EP400: variants seen among roughly 807,000 people sequenced by gnomAD.
EP400 encodes the protein E1A-binding protein p400.
A neutral mutation model predicts 354.1 loss-of-function variants in EP400; 105 were observed. The ratio of observed to expected loss-of-function variants is 0.30; its 90% CI spans 0.25 to 0.35. EP400 has a LOEUF of 0.35. Ranked by LOEUF, EP400 falls within the 10% of genes least tolerant of loss-of-function variation. The probability of loss-of-function intolerance (pLI) is 1.00; values close to 1 mark genes in which losing one functional copy is unlikely to be tolerated. For synonymous variants in EP400, 1,646 were observed against 1,716.9 expected (o/e 0.96, Z 1.02); for missense variants, 3,280 against 4,121.0 (o/e 0.80, Z 5.59).
chr12:132,016,744 T>C (rs1415568933), intron 19 of EP400, among the ~76,000 whole-genome samples: 1 of 152,182 alleles, frequency 6.6e-6, no homozygotes, highest in Non-Finnish European at 1.5e-5. Context: ...ACCCTTGAGC[T>C]CCTCACGTCC....
chr12:132,032,340 G>T (rs913609761), intron 30 of EP400, among the ~76,000 whole-genome samples, 191 bp downstream of exon 30: 4 of 152,180 alleles, frequency 2.6e-5, no homozygotes, highest in Non-Finnish European at 5.9e-5. Context: ...TTAAACTAGG[G>T]TTTGTTTTCC....
chr12:132,025,815 C>A lies in EP400; in HGVS notation c.5014+11C>A. ...CCTTGACCCCACAAGGTAGGGTGCT[C>A]TGAGCAGGAGGGAGACTTGGCTTGG... On this transcript the variant is annotated intron_variant, in intron 25 of 52. Coordinates refer to ENST00000389561, the MANE Select transcript of EP400 (RefSeq NM_015409.5). This position sits in a 1 kb window ranked among gnomAD's most constrained non-coding sequence, Gnocchi z 4.1. 1 of 1,582,390 alleles carries A rather than the reference C, an allele frequency of 6.3e-7. No homozygotes were observed.
rs1357914851 is a variant in EP400, at chr12:132,021,442, C to T, written c.4690+121C>T. 7 of 1,345,712 alleles carry T rather than the reference C, an allele frequency of 5.2e-6. No individual in the cohort carries two copies. The East Asian group carries it at 1.9e-4, about 37-fold the overall frequency. The allele number at this position is 1,345,712 out of a possible 1,614,324, so 83.4% of individuals were successfully genotyped here. A position where few individuals can be genotyped will look rare whatever the true frequency, so the allele number is the denominator to read the frequency against. The stretch of plus-strand genomic sequence containing the variant: ...TCCTTTGTCTTTCCCCAGCCCCATG[C>T]CCGGTGCTGCCTCTCACCAGTGCAG... On this transcript the variant is annotated intron_variant, in intron 23 of 52. Coordinates refer to ENST00000389561, the MANE Select transcript of EP400 (RefSeq NM_015409.5).
chr12:132,022,255 G>T (rs1364793144), intron 23 of EP400, among the ~76,000 whole-genome samples: 2 of 152,226 alleles, frequency 1.3e-5, no homozygotes, highest in African/African-American at 4.8e-5. Context: ...CAGAGGAGCT[G>T]TTCTTTGGGA....
chr12:132,001,998 G>A (rs556058207), intron 12 of EP400, among the ~76,000 whole-genome samples: 13 of 152,092 alleles, frequency 8.5e-5, no homozygotes, highest in Non-Finnish European at 1.3e-4. Context: ...CTCTTGCCTC[G>A]GCACCTGGAT....
In EP400 at chr12:132,038,922, G is replaced by A. The variant is rs1222567624; in HGVS notation, c.6207+826G>A. 6.6e-6 allele frequency among the ~76,000 whole-genome samples: 1 copy of A among 152,184 alleles called. No individual in the cohort carries two copies. The highest frequency in any genetic ancestry group is 2.4e-5 in the African/African-American group (1 of 41,440). The stretch of plus-strand genomic sequence containing the variant: ...TGTGCCTCTTACCTTGGAAGGATTT[G>A]GTATCCCTGTACATCTTTCTTCCTG... On this transcript the variant is annotated intron_variant, in intron 32 of 52. Transcript: ENST00000389561. The surrounding 1 kb of genome is among the most constrained non-coding windows in gnomAD (Gnocchi z 4.2).
rs1293169359 is a variant in EP400 at position 132,073,935 on chromosome 12, T to G, written c.9022-2581T>G. Among the ~76,000 whole-genome samples the G allele has an allele frequency of 3.7e-5, 5 of 135,596 alleles. No individual in the cohort carries two copies. The East Asian group carries it at 1.0e-3, about 28-fold the overall frequency. 89.0% of individuals were successfully genotyped at this position (135,596 alleles called of 152,430 possible). Reference sequence around the variant, plus strand: ...TTTTTTGGGGTTTTTTTTTTTTTTTTTTTTTTTTTTTGAGACGGAGGCTCA... The same window carrying G: ...TTTTTTGGGGTTTTTTTTTTTTTTTGTTTTTTTTTTTGAGACGGAGGCTCA... On this transcript the variant is annotated intron_variant, in intron 51 of 52. Coordinates refer to ENST00000389561, the MANE Select transcript of EP400 (RefSeq NM_015409.5).
chr12:132,039,603 T>C (rs1273567193), intron 32 of EP400, among the ~76,000 whole-genome samples: 3 of 152,158 alleles, frequency 2.0e-5, no homozygotes, highest in Non-Finnish European at 4.4e-5. Context: ...GTTTCTCACA[T>C]TTCTTCTAGA....
In EP400 at chr12:132,029,355, C is replaced by T. The variant is rs767383128; in HGVS notation, c.5382-346C>T. The T allele has an allele frequency of 1.2e-5, 4 of 336,844 alleles. No individual in the cohort carries two copies. Among genetic ancestry groups the T allele is most frequent in the African/African-American group, 2.1e-5 (1 of 48,108 alleles). The allele number at this position is 336,844 out of a possible 1,614,324, so 20.9% of individuals were successfully genotyped here. A position where few individuals can be genotyped will look rare whatever the true frequency, so the allele number is the denominator to read the frequency against. On this transcript the variant is annotated intron_variant, in intron 27 of 52. Transcript: ENST00000389561. This position sits in a 1 kb window ranked among gnomAD's most constrained non-coding sequence, Gnocchi z 4.7. ...TATAGCAGTTCTAGGGTCCACGAGA[C>T]AGTGCACCTTTGTCCCAAAGTTTCC...
chr12:132,032,625 T>C (rs889688914), intron 30 of EP400, among the ~76,000 whole-genome samples: 4 of 152,020 alleles, frequency 2.6e-5, no homozygotes, highest in African/African-American at 9.6e-5. Flanking sequence ...AGAATTAGTT[T>C]TTTTTTTTTT....
intron 45 of EP400, among the ~76,000 whole-genome samples, chr12:132,060,477 C>CA (rs1309101931): frequency 6.6e-6 from 1 of 152,190 alleles, no homozygotes; most frequent in Non-Finnish European, 1.5e-5. Flanking sequence ...TTCAAGCAGC[C>CA]ATAGGAAAAG....
rs1350538433 is a variant in EP400, at chr12:132,069,531, C to T, written c.8911C>T (p.Gln2971Ter). The T allele has an allele frequency of 6.2e-7, 1 of 1,614,110 alleles. No homozygotes were observed. The highest frequency in any genetic ancestry group is 1.3e-5 in the African/African-American group (1 of 74,950). ...GCAGATCACCACCCCTGGCGCGCAG[C>T]AGAAGGTTGCCTACGCCGCGCAGCC... ...AQQITTPGAQ[Q>*]KVAYAAQPAL... Residue 2971 changes from glutamine to a stop codon, truncating the protein, a stop_gained, in exon 51 of 53, where the codon CAG (glutamine) becomes TAG (stop). Transcript: ENST00000389561. LOFTEE classifies it high-confidence loss of function.
Position 132,017,813 on chromosome 12 carries a change from C to A in EP400, c.4110+92C>A. 4.4e-6 allele frequency: 6 copies of A among 1,355,720 alleles called. No homozygotes were observed. Among genetic ancestry groups the A allele is most frequent in the Non-Finnish European group, 4.9e-6 (5 of 1,018,612 alleles). 84.0% of individuals were successfully genotyped at this position (1,355,720 alleles called of 1,614,324 possible). A position where few individuals can be genotyped will look rare whatever the true frequency, so the allele number is the denominator to read the frequency against. On this transcript the variant is annotated intron_variant, in intron 20 of 52. Coordinates refer to ENST00000389561, the MANE Select transcript of EP400 (RefSeq NM_015409.5). The surrounding 1 kb of genome is among the most constrained non-coding windows in gnomAD (Gnocchi z 5.0). The stretch of plus-strand genomic sequence containing the variant: ...CCATTCTTGGAAATGGGTTCTCAAC[C>A]AGCTCTTCTGCAATTGCAATTGCAG...
rs138655605 is a variant in EP400, at chr12:132,045,524, C to T, written c.6990C>T (p.Pro2330=). 9 of 1,614,188 alleles carry T rather than the reference C, an allele frequency of 5.6e-6. No individual in the cohort carries two copies. The highest frequency in any genetic ancestry group is 4.0e-5 in the African/African-American group (3 of 75,058). Reference sequence around the variant, plus strand: ...CAGCTGAGCCTGGTCAAGACAACCCCGAGTGGCTCATCAGTGAGGACTGGG... The same window carrying T: ...CAGCTGAGCCTGGTCAAGACAACCCTGAGTGGCTCATCAGTGAGGACTGGG... ...KPTAEPGQDN[P]EWLISEDWAL... The change falls in exon 38 of 53, where the codon CCC becomes CCT. Residue 2330 remains proline (P), a synonymous_variant. Transcript: ENST00000389561.
At chr12:131,972,073 T>C (rs966364666) in intron 2 of EP400, among the ~76,000 whole-genome samples, 9 of 151,962 alleles carry the variant, frequency 5.9e-5, no homozygotes, top group African/African-American at 1.9e-4. Context: ...TCTAAGAAAA[T>C]AGAAAAGAGT....
chr12:132,030,615 T>G (rs1894456915), intron 29 of EP400, among the ~76,000 whole-genome samples: 1 of 152,226 alleles, frequency 6.6e-6, no homozygotes, highest in African/African-American at 2.4e-5. Flanking sequence ...GAAGGCAGCC[T>G]GGCAGTATGG....
rs1411996848 is a variant in EP400, at chr12:132,052,308, G to A, written c.7395-838G>A. 2.0e-5 allele frequency among the ~76,000 whole-genome samples: 3 copies of A among 152,148 alleles called. No individual in the cohort carries two copies. In the South Asian group the frequency reaches 6.2e-4, roughly 32 times the overall value. On this transcript the variant is annotated intron_variant, in intron 41 of 52. Transcript: ENST00000389561. This position sits in a 1 kb window ranked among gnomAD's most constrained non-coding sequence, Gnocchi z 4.4. ...TTCCTCGTTCTGTGGCCCCCTTTCC[G>A]CACAGTAGTGGAGTGATCCTTGTCA...
At chr12:131,974,024 C>T (rs1246600619) in intron 2 of EP400, among the ~76,000 whole-genome samples, 2 of 149,388 alleles carry the variant, frequency 1.3e-5, no homozygotes, top group African/African-American at 2.5e-5. Context: ...AGTCTTGCTC[C>T]GTTGCCAGGC....
intron 2 of EP400, 115 bp from the exon 3 acceptor site, chr12:131,979,579 A>G: frequency 6.1e-6 from 5 of 817,418 alleles, no homozygotes; most frequent in Admixed American, 3.1e-5. Flanking sequence ...GGTAGATAAC[A>G]TTCCTGTTAT....
Sources: allele counts gnomAD v4.1 joint callset (sites outside exome capture counted in the v4.1 genomes callset), GRCh38; gene constraint gnomAD v4.1.1; non-coding constraint Gnocchi (gnomAD v3.1); transcripts MANE v1.5; gene names NCBI Gene and HGNC (gene_info 2026-07-23, HGNC 2026-07-21).